The following TPST2 variants were observed in gnomAD, a reference collection of about 807,000 sequenced individuals.
TPST2 encodes protein-tyrosine sulfotransferase 2.
In TPST2, 16 loss-of-function variants were observed where a neutral mutation model predicts 27.8. That is an observed-to-expected ratio of 0.58 (90% CI 0.39 to 0.88). TPST2 has a LOEUF of 0.88. Among genes scored for constraint, TPST2 ranks in the 40% least tolerant of loss-of-function variants. The probability of loss-of-function intolerance (pLI) is 0.00; values close to 1 mark genes in which losing one functional copy is unlikely to be tolerated. For synonymous variants in TPST2, 229 were observed against 231.7 expected (o/e 0.99, Z 0.10); for missense variants, 464 against 543.1 (o/e 0.85, Z 1.45).
rs1927040837 is a variant in TPST2, at chr22:26,560,691, G to A, written c.-160-16016C>T. 5 of 1,122,592 alleles carry A rather than the reference G, an allele frequency of 4.5e-6. No homozygotes were observed. In the South Asian group the frequency reaches 4.9e-5, roughly 11 times the overall value. 69.5% of individuals were successfully genotyped at this position (1,122,592 alleles called of 1,614,324 possible). A position where few individuals can be genotyped will look rare whatever the true frequency, so the allele number is the denominator to read the frequency against. On this transcript the variant is annotated intron_variant, in intron 1 of 6. Transcript: ENST00000338754. ...GAGGTGGAAGACCATGTCTGCTAAA[G>A]AGAAAGGAAAATTTGAAGATATGGC...
intron 1 of TPST2, among the ~76,000 whole-genome samples, chr22:26,583,961 A>T (rs1928233693): frequency 6.6e-6 from 1 of 152,242 alleles, no homozygotes; most frequent in Non-Finnish European, 1.5e-5. Context: ...AGTAGGGGGA[A>T]CCACAGTGAC....
At chr22:26,559,565 C>A (rs1926976782) in intron 1 of TPST2, among the ~76,000 whole-genome samples, 1 of 152,180 alleles carries the variant, frequency 6.6e-6, no homozygotes, top group East Asian at 1.9e-4. Context: ...CCCTTCTCCT[C>A]CCAGCCCCAG....
intron 2 of TPST2, among the ~76,000 whole-genome samples, chr22:26,542,210 C>A (rs1013468224): frequency 2.0e-5 from 3 of 150,834 alleles, no homozygotes; most frequent in Non-Finnish European, 2.9e-5. Context: ...CCACTGCACT[C>A]CAGCGTGGGC....
rs1288767422 is a variant in TPST2 at position 26,522,520 on chromosome 22, G to A, written c.*3755C>T. 1 of 152,060 alleles carries A rather than the reference G, an allele frequency of 6.6e-6. No individual in the cohort carries two copies. The highest frequency in any genetic ancestry group is 2.4e-5 in the African/African-American group (1 of 41,384). 9.4% of individuals were successfully genotyped at this position (152,060 alleles called of 1,614,324 possible). ...AGATTAAAATTCTGCCCAAATCAGG[G>A]TACATGGGTGGAATTAATCAAAAAA... On this transcript the variant is annotated 3_prime_UTR_variant, in exon 7 of 7. Coordinates refer to ENST00000338754, the MANE Select transcript of TPST2 (RefSeq NM_003595.5).
At chr22:26,553,352 C>T (rs1004941251) in intron 1 of TPST2, among the ~76,000 whole-genome samples, 2 of 150,090 alleles carry the variant, frequency 1.3e-5, no homozygotes, top group East Asian at 2.0e-4. Flanking sequence ...AGCAGAGAGG[C>T]TTGTGCATGC....
At chr22:26,556,982 G>T (rs1926836792) in intron 1 of TPST2, among the ~76,000 whole-genome samples, 1 of 152,252 alleles carries the variant, frequency 6.6e-6, no homozygotes, top group Admixed American at 6.5e-5. Flanking sequence ...TGCTCACAAA[G>T]CTGAGGCAGG....
chr22:26,532,645 T>C (rs1925233637), intron 5 of TPST2, 50 bp downstream of exon 5: 1 of 1,574,692 alleles, frequency 6.4e-7, no homozygotes, highest in South Asian at 1.1e-5. Flanking sequence ...AGCCAGATGG[T>C]GGTATAGCTG....
At chr22:26,531,560 A>G (rs529334100) in intron 5 of TPST2, among the ~76,000 whole-genome samples, 36 of 152,346 alleles carry the variant, frequency 2.4e-4, no homozygotes, top group Non-Finnish European at 5.0e-4. Flanking sequence ...AGCCTTTTCT[A>G]TCCAGATCTT....
rs150999477 is a variant in TPST2 at position 26,526,161 on chromosome 22, A to T, written c.*114T>A. ...ATATGCAAATACATTCCTCATCAGCAGTCCTGTTTTGGCGATTAATAGCAA... is the reference window on the plus strand; with the variant it reads ...ATATGCAAATACATTCCTCATCAGCTGTCCTGTTTTGGCGATTAATAGCAA... On this transcript the variant is annotated 3_prime_UTR_variant, in exon 7 of 7. Transcript: ENST00000338754. 1 of 152,354 alleles carries T rather than the reference A, an allele frequency of 6.6e-6. No homozygotes were observed. Among genetic ancestry groups the T allele is most frequent in the East Asian group, 1.9e-4 (1 of 5,192 alleles). 9.4% of individuals were successfully genotyped at this position (152,354 alleles called of 1,614,324 possible). A position where few individuals can be genotyped will look rare whatever the true frequency, so the allele number is the denominator to read the frequency against.
At position 26,524,811 on chromosome 22, in the gene TPST2, C is replaced by T. The variant is rs1217953003; in HGVS notation, c.*1464G>A. 3 of 152,214 alleles carry T rather than the reference C, an allele frequency of 2.0e-5. No individual in the cohort carries two copies. Among genetic ancestry groups the T allele is most frequent in the African/African-American group, 7.2e-5 (3 of 41,442 alleles). The allele number at this position is 152,214 out of a possible 1,614,324, so 9.4% of individuals were successfully genotyped here. On this transcript the variant is annotated 3_prime_UTR_variant, in exon 7 of 7. Coordinates refer to ENST00000338754, the MANE Select transcript of TPST2 (RefSeq NM_003595.5). ...AGGCTTGAAGTGTCCAAACCCAGCACATCTCAAAGAAAAAACTGGCCTTAA... is the reference window on the plus strand; with the variant it reads ...AGGCTTGAAGTGTCCAAACCCAGCATATCTCAAAGAAAAAACTGGCCTTAA...
At chr22:26,532,773 A>G (rs1367407837) in intron 4 of TPST2, 28 bp from the exon 5 acceptor site, 1 of 1,607,234 alleles carries the variant, frequency 6.2e-7, no homozygotes, top group South Asian at 1.1e-5. Context: ...AAATATCACT[A>G]TTATGAAAAT....
chr22:26,536,139 A>G (rs1925447390), intron 4 of TPST2, 149 bp downstream of exon 4: 1 of 1,081,194 alleles, frequency 9.2e-7, no homozygotes, highest in Non-Finnish European at 1.4e-6. Context: ...ACAAGCAATC[A>G]TGTAGTTCAC....
At chr22:26,570,117 C>G (rs763179712) in intron 1 of TPST2, among the ~76,000 whole-genome samples, 2 of 152,082 alleles carry the variant, frequency 1.3e-5, no homozygotes, top group Non-Finnish European at 2.9e-5. Context: ...ATTAATCACA[C>G]TTTGTCAAAT....
chr22:26,543,370 T>C (rs1201702602), intron 2 of TPST2: 1 of 152,164 alleles, frequency 6.6e-6, no homozygotes. Flanking sequence ...CAACGACCCT[T>C]TGTCTTCATC....
At position 26,547,086 on chromosome 22, in the gene TPST2, T is replaced by C. The variant is rs1398416664; in HGVS notation, c.-160-2411A>G. Among the ~76,000 whole-genome samples the C allele has an allele frequency of 2.0e-5, 3 of 152,118 alleles. No homozygotes were observed. The East Asian group carries it at 5.8e-4, about 29-fold the overall frequency. ...AGAGGTAGGAGTCAAAGAGCTCTCC[T>C]TTTTTTCTTTTTTTGTTGAGATGGG... On this transcript the variant is annotated intron_variant, in intron 1 of 6. Transcript: ENST00000338754.
At position 26,590,078 on chromosome 22, in the gene TPST2, C is replaced by T. The variant is rs1389192104; in HGVS notation, c.-186G>A. ...CGTGGCGAGACGCGGCGAGGCAGCC[C>T]CACGCACCCAGCGACTCCCGGCTCT... is the stretch of plus-strand genomic sequence containing the variant. On this transcript the variant is annotated 5_prime_UTR_variant, in exon 1 of 7. Transcript: ENST00000338754. 6.6e-6 allele frequency: 1 copy of T among 151,898 alleles called. No individual in the cohort carries two copies. The highest frequency in any genetic ancestry group is 1.5e-5 in the Non-Finnish European group (1 of 68,000). The allele number at this position is 151,898 out of a possible 1,614,324, so 9.4% of individuals were successfully genotyped here.
rs1924791887 is a variant in TPST2 at position 26,525,727 on chromosome 22, A to AG, written c.*547dup. On this transcript the variant is annotated 3_prime_UTR_variant, in exon 7 of 7. Coordinates refer to ENST00000338754, the MANE Select transcript of TPST2 (RefSeq NM_003595.5). ...CTACCTGACAAAATCCAGTATGGAA[A>AG]GAAAAAAAAAACCCTATTCATTCAG... 6.6e-6 allele frequency: 1 copy of AG among 152,532 alleles called. No individual in the cohort carries two copies. The highest frequency in any genetic ancestry group is 6.5e-5 in the Admixed American group (1 of 15,284). 9.4% of individuals were successfully genotyped at this position (152,532 alleles called of 1,614,324 possible).
intron 1 of TPST2, among the ~76,000 whole-genome samples, chr22:26,550,993 G>A (rs568791026): frequency 3.3e-5 from 5 of 152,318 alleles, no homozygotes; most frequent in African/African-American, 1.2e-4. Context: ...TATTAGCTCA[G>A]GCCAGGCACA....
chr22:26,542,220 C>T (rs1043319092), intron 2 of TPST2, among the ~76,000 whole-genome samples: 2 of 140,970 alleles, frequency 1.4e-5, no homozygotes, highest in African/African-American at 2.7e-5. Flanking sequence ...CCAGCGTGGG[C>T]GACAGAGCGA....
Sources: gnomAD v4.1 joint callset for allele counts (sites outside exome capture counted in the v4.1 genomes callset) on GRCh38, gnomAD v4.1.1 for gene constraint, MANE v1.5 for transcripts, NCBI Gene and HGNC (gene_info 2026-07-23, HGNC 2026-07-21) for gene names.